Variants in ZNF704 observed in about 807,000 individuals in gnomAD.
ZNF704 encodes the protein glucocorticoid induced gene 1.
ZNF704 carries 10 observed loss-of-function variants against 44.7 expected under a neutral mutation model. The ratio of observed to expected loss-of-function variants is 0.22; its 90% CI spans 0.14 to 0.38. The LOEUF (loss-of-function observed/expected upper bound fraction) is 0.38, where lower values mean the gene tolerates loss of function less well. Among genes scored for constraint, ZNF704 ranks in the 10% least tolerant of loss-of-function variants. ZNF704 has a pLI of 1.00. For missense variants in ZNF704, 390 were observed against 545.5 expected (o/e 0.71, Z 2.84); for synonymous variants, 211 against 207.6 (o/e 1.02, Z -0.14).
At chr8:80,653,847 T>G (rs1817963806) in intron 7 of ZNF704, among the ~76,000 whole-genome samples, 1 of 152,058 alleles carries the variant, frequency 6.6e-6, no homozygotes, top group Non-Finnish European at 1.5e-5. Flanking sequence ...TACTTTAAAG[T>G]TCATATGGAA....
chr8:80,812,160 CTCCTCCTCTTTATCT>C (rs892388017), intron 2 of ZNF704: 2 of 152,874 alleles, frequency 1.3e-5, no homozygotes, highest in Admixed American at 6.5e-5. Context: ...CATCTTCCTC[CTCCTCCTCTTTATCT>C]TCCTCCTCTT....
chr8:80,844,172 T>A (rs1808729485), intron 1 of ZNF704, among the ~76,000 whole-genome samples: 1 of 152,090 alleles, frequency 6.6e-6, no homozygotes, highest in African/African-American at 2.4e-5. Flanking sequence ...ATCAGAGGTC[T>A]GGGAAAGCAA....
chr8:80,749,850 A>G (rs534116295), intron 2 of ZNF704, among the ~76,000 whole-genome samples: 22 of 152,308 alleles, frequency 1.4e-4, no homozygotes, highest in South Asian at 8.3e-4. Flanking sequence ...ATCTACACCT[A>G]TGGTGTCAGT....
rs1004748424 is a variant in ZNF704 at position 80,796,600 on chromosome 8, A to G, written c.221+24774T>C. Among the ~76,000 whole-genome samples the G allele has an allele frequency of 2.6e-5, 4 of 152,216 alleles. No homozygotes were observed. In the East Asian group the frequency reaches 7.7e-4, roughly 29 times the overall value. On this transcript the variant is annotated intron_variant, in intron 2 of 8. Coordinates refer to ENST00000327835, the MANE Select transcript of ZNF704 (RefSeq NM_001033723.3). ...TAGCTCCAAAGTCCTCACTGGTTCC[A>G]GGATCAACTCAAAAGTCCAAAGTCT...
intron 2 of ZNF704, among the ~76,000 whole-genome samples, chr8:80,792,131 C>T (rs184926570): frequency 2.0e-5 from 3 of 152,168 alleles, no homozygotes; most frequent in East Asian, 3.9e-4. Flanking sequence ...CTGGAAGGCT[C>T]GGCACCATGA....
chr8:80,695,507 T>G (rs1330050892), intron 2 of ZNF704, among the ~76,000 whole-genome samples: 1 of 150,964 alleles, frequency 6.6e-6, no homozygotes, highest in Non-Finnish European at 1.5e-5. Flanking sequence ...CCCCCTCCCC[T>G]GATTCTTACA....
chr8:80,787,529 C>A (rs1399102304), intron 2 of ZNF704, among the ~76,000 whole-genome samples: 1 of 152,160 alleles, frequency 6.6e-6, no homozygotes, highest in Non-Finnish European at 1.5e-5. Flanking sequence ...TATAGTCTTA[C>A]AAACTATTCA....
intron 1 of ZNF704, among the ~76,000 whole-genome samples, chr8:80,829,504 C>T (rs188133869): frequency 6.6e-6 from 1 of 152,224 alleles, no homozygotes; most frequent in East Asian, 1.9e-4. Context: ...AAATTGACAT[C>T]CATGCCTCCC....
At chr8:80,671,691 C>G (rs888354195) in intron 4 of ZNF704, among the ~76,000 whole-genome samples, 3 of 152,200 alleles carry the variant, frequency 2.0e-5, no homozygotes, top group African/African-American at 4.8e-5. Context: ...CATGTGTTCA[C>G]CAAGCCCCAT....
chr8:80,755,925 C>T (rs1807026680), intron 2 of ZNF704, among the ~76,000 whole-genome samples: 1 of 151,878 alleles, frequency 6.6e-6, no homozygotes, highest in African/African-American at 2.4e-5. Flanking sequence ...GGGCAACACT[C>T]AAGACCCCAT....
At chr8:80,716,158 C>T (rs557922746) in intron 2 of ZNF704, among the ~76,000 whole-genome samples, 2 of 152,166 alleles carry the variant, frequency 1.3e-5, no homozygotes, top group African/African-American at 4.8e-5. Context: ...TCTACCAACA[C>T]CTTTGGAGGG....
chr8:80,781,977 A>T (rs923836268), intron 2 of ZNF704, among the ~76,000 whole-genome samples: 2 of 152,200 alleles, frequency 1.3e-5, no homozygotes, highest in African/African-American at 4.8e-5. Flanking sequence ...ACATCAGTTA[A>T]ATGTAATTAG....
intron 1 of ZNF704, among the ~76,000 whole-genome samples, chr8:80,855,305 A>G (rs1808940146): frequency 1.3e-5 from 2 of 150,682 alleles, no homozygotes; most frequent in African/African-American, 4.9e-5. Context: ...GTAATTATCA[A>G]TTTCTTTTCA....
chr8:80,694,804 T>C (rs1446742464), intron 2 of ZNF704, among the ~76,000 whole-genome samples: 1 of 152,232 alleles, frequency 6.6e-6, no homozygotes, highest in Non-Finnish European at 1.5e-5. Context: ...TACCAACAGA[T>C]GGAAATCTTT....
chr8:80,666,868 C>T (rs1818203018), intron 5 of ZNF704, among the ~76,000 whole-genome samples: 1 of 151,284 alleles, frequency 6.6e-6, no homozygotes, highest in Non-Finnish European at 1.5e-5. Context: ...GATATTAGCC[C>T]TTTGTCAGAT....
chr8:80,774,525 G>T (rs1807378132), intron 2 of ZNF704, among the ~76,000 whole-genome samples: 1 of 152,138 alleles, frequency 6.6e-6, no homozygotes, highest in Non-Finnish European at 1.5e-5. Context: ...ACTGTGTGTG[G>T]AGGTGAGTTC....
At chr8:80,775,730 A>G (rs1807400064) in intron 2 of ZNF704, among the ~76,000 whole-genome samples, 1 of 152,212 alleles carries the variant, frequency 6.6e-6, no homozygotes, top group South Asian at 2.1e-4. Context: ...TGTGAGTACA[A>G]TACAATACAG....
At chr8:80,802,964 C>T (rs796537670) in intron 2 of ZNF704, among the ~76,000 whole-genome samples, 1 of 152,028 alleles carries the variant, frequency 6.6e-6, no homozygotes, top group Non-Finnish European at 1.5e-5. Context: ...AAAAGCTTCT[C>T]AAGCCAATAA....
chr8:80,741,292 C>T (rs1378798541), intron 2 of ZNF704, among the ~76,000 whole-genome samples: 1 of 152,176 alleles, frequency 6.6e-6, no homozygotes, highest in African/African-American at 2.4e-5. Flanking sequence ...AACCCAAGCC[C>T]CAGTGTTAAG....
Sources: gnomAD v4.1 joint callset for allele counts (sites outside exome capture counted in the v4.1 genomes callset) on GRCh38, gnomAD v4.1.1 for gene constraint, MANE v1.5 for transcripts, NCBI Gene and HGNC (gene_info 2026-07-23, HGNC 2026-07-21) for gene names.